Variants in SSPN observed in about 807,000 individuals in gnomAD.
SSPN encodes K-ras oncogene-associated protein.
SSPN carries 15 observed loss-of-function variants against 19.1 expected under a neutral mutation model. That is an observed-to-expected ratio of 0.78 (90% CI 0.52 to 1.21). SSPN has a LOEUF of 1.21. SSPN is among the 50% of genes most tolerant of loss of function. The pLI is 0.00. For missense variants in SSPN, 291 were observed against 314.0 expected (o/e 0.93, Z 0.55); for synonymous variants, 147 against 140.3 (o/e 1.05, Z -0.34).
chr12:26,230,698 T>G lies in SSPN; in HGVS notation c.367-13T>G. ...CTTTGTAACCAGAAAGGTTTTCTTC[T>G]GCTTTCTTGCAGCTGTTATACTTTC... On this transcript the variant is annotated splice_polypyrimidine_tract_variant and intron_variant, in intron 2 of 2. Coordinates refer to ENST00000242729, the MANE Select transcript of SSPN (RefSeq NM_005086.5). 1 of 1,587,222 alleles carries G rather than the reference T, an allele frequency of 6.3e-7. No individual in the cohort carries two copies. The highest frequency in any genetic ancestry group is 8.6e-7 in the Non-Finnish European group (1 of 1,163,146).
intron 1 of SSPN, among the ~76,000 whole-genome samples, chr12:26,218,342 G>C (rs1364909144): frequency 6.0e-5 from 1 of 16,772 alleles, no homozygotes; most frequent in African/African-American, 2.4e-4. Context: ...GGGGAGGGGG[G>C]AGGGGGGAGG....
intron 1 of SSPN, among the ~76,000 whole-genome samples, chr12:26,132,278 CT>C (rs1944401142): frequency 6.6e-6 from 1 of 152,238 alleles, no homozygotes; most frequent in Non-Finnish European, 1.5e-5. Flanking sequence ...TGAATATTTA[CT>C]GTGCTTATAT....
At position 26,153,028 on chromosome 12, in the gene SSPN, T is replaced by A. The variant is rs141447135; in HGVS notation, c.-31+30876T>A. The stretch of plus-strand genomic sequence containing the variant: ...TCCCCCACAGCATTCCAAGGCTGGC[T>A]CCTTCTCATTGTTCAGGTTCTAGCT... On this transcript the variant is annotated intron_variant, in intron 1 of 2. Transcript: ENST00000538142. Among the ~76,000 whole-genome samples, 77 of 152,348 alleles carry A rather than the reference T, an allele frequency of 5.1e-4. No homozygotes were observed. In the East Asian group the frequency reaches 0.013, roughly 26 times the overall value.
chr12:26,193,636 C>T (rs748453649), upstream of SSPN, among the ~76,000 whole-genome samples: 4 of 152,130 alleles, frequency 2.6e-5, no homozygotes, highest in African/African-American at 7.2e-5. Flanking sequence ...CCTGGTATAA[C>T]GCCAGTTTTT....
chr12:26,196,725 A>G (rs1440271557), intron 1 of SSPN, among the ~76,000 whole-genome samples: 1 of 152,224 alleles, frequency 6.6e-6, no homozygotes, highest in Non-Finnish European at 1.5e-5. Flanking sequence ...GGCCTGACAC[A>G]TATTATTTCT....
intron 1 of SSPN, among the ~76,000 whole-genome samples, chr12:26,160,025 G>A (rs1273291627): frequency 6.6e-6 from 1 of 152,212 alleles, no homozygotes; most frequent in Non-Finnish European, 1.5e-5. Flanking sequence ...GCAGGTCTGG[G>A]TGAACCTGTT....
At chr12:26,124,741 T>A in intron 1 of SSPN, 1 of 1,614,220 alleles carries the variant, frequency 6.2e-7, no homozygotes, top group Non-Finnish European at 8.5e-7. Context: ...TATGTTCCAG[T>A]AACTGTCTCT....
Position 26,232,530 on chromosome 12 carries a change from T to G in SSPN, c.*1454T>G, listed in dbSNP as rs1234606844. On this transcript the variant is annotated 3_prime_UTR_variant, in exon 3 of 3. Coordinates refer to ENST00000242729, the MANE Select transcript of SSPN (RefSeq NM_005086.5). ...ATTGAGTTCAATTCGCCTCTCCGCA[T>G]TGCCTATTGATACACTTTACTAATC... The G allele has an allele frequency of 2.0e-6, 2 of 985,296 alleles. No homozygotes were observed. The highest frequency in any genetic ancestry group is 3.5e-5 in the African/African-American group (2 of 57,240). The allele number at this position is 985,296 out of a possible 1,614,324, so 61.0% of individuals were successfully genotyped here.
At chr12:26,191,430 G>A (rs1944786784), upstream of SSPN, among the ~76,000 whole-genome samples, 1 of 152,232 alleles carries the variant, frequency 6.6e-6, no homozygotes, top group African/African-American at 2.4e-5. Flanking sequence ...TCCAGCCTGT[G>A]CAACATAGTG....
chr12:26,195,641 G>GGGGGGGGCC lies in SSPN; in HGVS notation c.-32_-31insGGGGGGGCC. 9.0e-7 allele frequency: 1 copy of GGGGGGGGCC among 1,105,402 alleles called. No homozygotes were observed. The highest frequency in any genetic ancestry group is 1.1e-6 in the Non-Finnish European group (1 of 878,120). 68.5% of individuals were successfully genotyped at this position (1,105,402 alleles called of 1,614,324 possible). A position where few individuals can be genotyped will look rare whatever the true frequency, so the allele number is the denominator to read the frequency against. On this transcript the variant is annotated 5_prime_UTR_variant, in exon 1 of 3. Transcript: ENST00000242729. Reference sequence around the variant, plus strand: ...CTCCAGGGCCCAGGGCGCCGCACACGCACCCACCCACCCACCCAGCCTCGC... The same window carrying GGGGGGGGCC: ...CTCCAGGGCCCAGGGCGCCGCACACGGGGGGGGCCCACCCACCCACCCACCCAGCCTCGC...
chr12:26,204,597 G>A (rs1032215774), intron 1 of SSPN, among the ~76,000 whole-genome samples: 13 of 152,152 alleles, frequency 8.5e-5, no homozygotes, highest in African/African-American at 2.7e-4. Context: ...CTGTCCTGTG[G>A]GGGGTGGTGA....
At chr12:26,168,318 C>T (rs1481490638) in intron 1 of SSPN, among the ~76,000 whole-genome samples, 1 of 151,560 alleles carries the variant, frequency 6.6e-6, no homozygotes, top group Admixed American at 6.6e-5. Context: ...TTGTTATGCA[C>T]ATAGGGCATC....
chr12:26,156,799 A>C (rs1303262097), intron 1 of SSPN, among the ~76,000 whole-genome samples: 1 of 152,224 alleles, frequency 6.6e-6, no homozygotes, highest in Non-Finnish European at 1.5e-5. Flanking sequence ...ACAGCGAGAC[A>C]TAGCTGGACG....
chr12:26,196,131 C>T (rs1944827952), intron 1 of SSPN, among the ~76,000 whole-genome samples, 180 bp downstream of exon 1: 1 of 152,212 alleles, frequency 6.6e-6, no homozygotes. Context: ...CAGGGCTGGA[C>T]GCGATAGGGC....
At chr12:26,144,511 C>T (rs1944478587) in intron 1 of SSPN, among the ~76,000 whole-genome samples, 1 of 152,170 alleles carries the variant, frequency 6.6e-6, no homozygotes, top group Non-Finnish European at 1.5e-5. Flanking sequence ...GGCATGGTAA[C>T]ATTGTAGCAT....
exon 1 of SSPN, chr12:26,122,116 C>T (rs1944311202): frequency 6.5e-7 from 1 of 1,549,396 alleles, no homozygotes; most frequent in Non-Finnish European, 8.7e-7. Flanking sequence ...GCAGAGCTCT[C>T]CGGGTTCCCC....
intron 1 of SSPN, among the ~76,000 whole-genome samples, chr12:26,168,033 G>C (rs1944631649): frequency 6.6e-6 from 1 of 151,884 alleles, no homozygotes; most frequent in Non-Finnish European, 1.5e-5. Flanking sequence ...GGGCAATGTG[G>C]TGAAACCCCA....
At position 26,232,120 on chromosome 12, in the gene SSPN, ATC is replaced by A; in HGVS notation, c.*1050_*1051del. The A allele has an allele frequency of 1.0e-6, 1 of 985,484 alleles. No homozygotes were observed. The highest frequency in any genetic ancestry group is 1.2e-6 in the Non-Finnish European group (1 of 829,936). The allele number at this position is 985,484 out of a possible 1,614,324, so 61.0% of individuals were successfully genotyped here. On this transcript the variant is annotated 3_prime_UTR_variant, in exon 3 of 3. Coordinates refer to ENST00000242729, the MANE Select transcript of SSPN (RefSeq NM_005086.5). Reference sequence around the variant, plus strand: ...GCACATTTGTGATATGTTGAAAAGCATCTCTCTTGGCAACCAATCTATGTTTG... The same window carrying A: ...GCACATTTGTGATATGTTGAAAAGCATCTCTTGGCAACCAATCTATGTTTG...
chr12:26,125,819 C>T (rs1944358881), intron 1 of SSPN: 1 of 149,668 alleles, frequency 6.7e-6, no homozygotes, highest in Non-Finnish European at 1.5e-5. Flanking sequence ...GGGGGTGGCA[C>T]GAGAGGGGGT....
Sources: gnomAD v4.1 joint callset for allele counts (sites outside exome capture counted in the v4.1 genomes callset) on GRCh38, gnomAD v4.1.1 for gene constraint, MANE v1.5 for transcripts, NCBI Gene and HGNC (gene_info 2026-07-23, HGNC 2026-07-21) for gene names.